Variants in CA10 observed in about 807,000 individuals in gnomAD.
CA10 encodes carbonic anhydrase-related protein 10.
CA10 carries 14 observed loss-of-function variants against 44.2 expected under a neutral mutation model. The observed-to-expected ratio is 0.32, with a 90% CI of 0.21 to 0.50. The LOEUF (loss-of-function observed/expected upper bound fraction) is 0.50. CA10 is among the 20% of genes least tolerant of loss of function. The pLI, the probability that CA10 is intolerant of heterozygous loss-of-function variation, is 0.99. For synonymous variants in CA10, 159 were observed against 141.6 expected (o/e 1.12, Z -0.87); for missense variants, 350 against 409.7 (o/e 0.85, Z 1.26).
rs1597964739 is a variant in CA10, at chr17:51,653,698, A to G, written c.504T>C (p.Asn168=). 1.2e-6 allele frequency: 2 copies of G among 1,611,652 alleles called. No homozygotes were observed. Among genetic ancestry groups the G allele is most frequent in the East Asian group, 2.2e-5 (1 of 44,858 alleles). ...TTGGACTCTTTGCAGCTTCTGTGAC[A>G]TTCGTATATAGCTCATGGTTATAGT... ...LIHYNHELYT[N]VTEAAKSPNG... is the part of the protein sequence containing the mutation. The change falls in exon 5 of 9, where the codon AAT becomes AAC. Residue 168 remains asparagine (N), a synonymous_variant. Transcript: ENST00000451037.
intron 1 of CA10, among the ~76,000 whole-genome samples, chr17:52,109,635 A>G (rs181901916): frequency 1.4e-4 from 22 of 152,348 alleles, no homozygotes; most frequent in African/African-American, 4.6e-4. Flanking sequence ...GGGACTGGAA[A>G]TTAATAGAGA....
chr17:51,678,565 G>C (rs563775249), intron 4 of CA10, among the ~76,000 whole-genome samples: 1 of 152,324 alleles, frequency 6.6e-6, no homozygotes, highest in African/African-American at 2.4e-5. Flanking sequence ...TCCAGCATGT[G>C]TATGTGGTCA....
intron 3 of CA10, among the ~76,000 whole-genome samples, chr17:51,887,124 G>A (rs183349723): frequency 2.0e-5 from 3 of 151,556 alleles, no homozygotes; most frequent in East Asian, 1.9e-4. Context: ...TATCCTATAA[G>A]TCTGTTTCAG....
At chr17:52,074,874 G>A (rs1987777111) in intron 1 of CA10, among the ~76,000 whole-genome samples, 1 of 151,736 alleles carries the variant, frequency 6.6e-6, no homozygotes, top group Non-Finnish European at 1.5e-5. Context: ...ATTTTTAAAT[G>A]GTTGAAAAAA....
At chr17:51,953,106 G>A (rs548007799) in intron 2 of CA10, among the ~76,000 whole-genome samples, 1 of 152,230 alleles carries the variant, frequency 6.6e-6, no homozygotes, top group East Asian at 1.9e-4. Flanking sequence ...AAATCACTGT[G>A]TGGTTTGTCT....
intron 2 of CA10, among the ~76,000 whole-genome samples, chr17:51,938,859 A>G (rs1037523655): frequency 1.3e-5 from 2 of 152,094 alleles, no homozygotes; most frequent in African/African-American, 4.8e-5. Flanking sequence ...AATAATACTC[A>G]AAGAGGTTAA....
chr17:52,074,216 C>T (rs764082143), intron 1 of CA10, among the ~76,000 whole-genome samples: 21 of 152,090 alleles, frequency 1.4e-4, no homozygotes, highest in Non-Finnish European at 2.5e-4. Context: ...ATAAAATTCA[C>T]GGACAGTACA....
At chr17:51,682,779 A>T (rs1304503110) in intron 4 of CA10, among the ~76,000 whole-genome samples, 1 of 145,292 alleles carries the variant, frequency 6.9e-6, no homozygotes, top group African/African-American at 2.5e-5. Context: ...AAGACGGAAC[A>T]CGCCCTGATA....
intron 3 of CA10, among the ~76,000 whole-genome samples, chr17:51,822,754 A>T (rs1397620015): frequency 6.6e-6 from 1 of 152,220 alleles, no homozygotes; most frequent in Non-Finnish European, 1.5e-5. Flanking sequence ...CCTCTTGGAA[A>T]TCTGCTCTAG....
At position 51,688,616 on chromosome 17, in the gene CA10, T is replaced by C. The variant is rs561134092; in HGVS notation, c.466-34880A>G. On this transcript the variant is annotated intron_variant, in intron 4 of 8. Transcript: ENST00000451037. Reference sequence around the variant, plus strand: ...TATTTTTATCATTATTCTTGTTTTATATTATTATGGACTATTTCATGCCTA... The same window carrying C: ...TATTTTTATCATTATTCTTGTTTTACATTATTATGGACTATTTCATGCCTA... 3.3e-5 allele frequency among the ~76,000 whole-genome samples: 5 copies of C among 152,338 alleles called. No individual in the cohort carries two copies. The East Asian group carries it at 9.6e-4, about 29-fold the overall frequency.
At chr17:52,076,846 A>T (rs1987831863) in intron 1 of CA10, among the ~76,000 whole-genome samples, 1 of 152,190 alleles carries the variant, frequency 6.6e-6, no homozygotes, top group African/African-American at 2.4e-5. Flanking sequence ...CTGATTGAGA[A>T]TTCCTCAGAG....
chr17:51,784,049 T>G (rs140882903), intron 3 of CA10, among the ~76,000 whole-genome samples: 2 of 152,276 alleles, frequency 1.3e-5, no homozygotes, highest in South Asian at 2.1e-4. Context: ...CAGGCAGCAC[T>G]GTGTATATGG....
At chr17:51,683,688 G>A (rs952231501) in intron 4 of CA10, among the ~76,000 whole-genome samples, 3 of 152,186 alleles carry the variant, frequency 2.0e-5, no homozygotes, top group Non-Finnish European at 2.9e-5. Flanking sequence ...TGAAATAAAG[G>A]ATGAAAGGTG....
chr17:52,080,296 C>T (rs1029056903), intron 1 of CA10, among the ~76,000 whole-genome samples: 2 of 151,758 alleles, frequency 1.3e-5, no homozygotes, highest in African/African-American at 2.4e-5. Context: ...ACCAAAAATA[C>T]AAAAAATTAG....
intron 2 of CA10, among the ~76,000 whole-genome samples, chr17:51,968,833 A>G (rs1482805238): frequency 6.6e-6 from 1 of 152,018 alleles, no homozygotes; most frequent in East Asian, 1.9e-4. Context: ...AAGTAGTTTT[A>G]GGAAAAAATG....
intron 2 of CA10, among the ~76,000 whole-genome samples, chr17:52,007,592 A>T (rs1159392171): frequency 6.6e-6 from 1 of 151,650 alleles, no homozygotes; most frequent in Admixed American, 6.6e-5. Flanking sequence ...AAAAAGACTT[A>T]AAAAATAGTT....
chr17:51,718,084 C>T (rs923508989), intron 4 of CA10, among the ~76,000 whole-genome samples: 7 of 148,518 alleles, frequency 4.7e-5, no homozygotes, highest in African/African-American at 1.2e-4. Flanking sequence ...AGGAGGGGGA[C>T]GAGGGACAAA....
chr17:51,822,145 C>G (rs1056552326), intron 3 of CA10, among the ~76,000 whole-genome samples: 7 of 152,230 alleles, frequency 4.6e-5, no homozygotes, highest in Middle Eastern at 3.4e-3. Flanking sequence ...CATCCTTGGC[C>G]AGGTGTGGTG....
chr17:51,974,221 T>A (rs112328114), intron 2 of CA10, among the ~76,000 whole-genome samples: 3,147 of 151,696 alleles, frequency 0.021, 108 homozygotes, highest in African/African-American at 0.072. Context: ...CCGTCTCTAC[T>A]AAAAATACAA....
Sources: allele counts gnomAD v4.1 joint callset (sites outside exome capture counted in the v4.1 genomes callset), GRCh38; gene constraint gnomAD v4.1.1; transcripts MANE v1.5; gene names NCBI Gene and HGNC (gene_info 2026-07-23, HGNC 2026-07-21).